The following DOCK3 variants were observed in gnomAD, a reference collection of about 807,000 sequenced individuals.
DOCK3 encodes dedicator of cytokinesis 3, also known as dedicator of cytokinesis protein 3.
A neutral mutation model predicts 265.6 loss-of-function variants in DOCK3; 60 were observed. That is an observed-to-expected ratio of 0.23 (90% CI 0.18 to 0.28). DOCK3 has a LOEUF of 0.28. Among genes scored for constraint, DOCK3 ranks in the 10% least tolerant of loss-of-function variants. DOCK3 has a pLI of 1.00. For synonymous variants in DOCK3, 881 were observed against 938.0 expected, an observed-to-expected ratio of 0.94 and a Z score of 1.11; for missense variants, 1,981 against 2,594.3, an observed-to-expected ratio of 0.76 and a Z score of 5.14.
At chr3:50,898,338 A>C (rs970239225) in intron 4 of DOCK3, among the ~76,000 whole-genome samples, 2 of 151,790 alleles carry the variant, frequency 1.3e-5, no homozygotes, top group Admixed American at 1.3e-4. Context: ...CCTTTATCAC[A>C]CTTTATTGGG....
chr3:51,100,710 A>G (rs2083048656), intron 9 of DOCK3, among the ~76,000 whole-genome samples: 1 of 152,228 alleles, frequency 6.6e-6, no homozygotes. Context: ...ACAATGTAAC[A>G]TTTACAAGGT....
At chr3:51,281,877 G>C (rs1385693696) in intron 27 of DOCK3, among the ~76,000 whole-genome samples, 1 of 152,088 alleles carries the variant, frequency 6.6e-6, no homozygotes, top group Middle Eastern at 3.2e-3. Flanking sequence ...CACTTCTCCT[G>C]TGTTGGGCAC....
At chr3:50,848,525 T>C (rs2046202801) in intron 3 of DOCK3, among the ~76,000 whole-genome samples, 1 of 152,188 alleles carries the variant, frequency 6.6e-6, no homozygotes, top group Admixed American at 6.5e-5. Flanking sequence ...CTGGGAAAGA[T>C]TTTGGTTCCC....
chr3:51,049,574 TG>T (rs2080911159), intron 5 of DOCK3, among the ~76,000 whole-genome samples: 1 of 152,098 alleles, frequency 6.6e-6, no homozygotes. Context: ...GGGTTAGGTG[TG>T]GAATTTTTCA....
intron 2 of DOCK3, among the ~76,000 whole-genome samples, chr3:50,812,229 A>G (rs2043802465): frequency 6.6e-6 from 1 of 152,206 alleles, no homozygotes; most frequent in Admixed American, 6.5e-5. Context: ...GGCCATAGCT[A>G]GTCTGTGAAG....
At chr3:50,925,731 C>A (rs890618732) in intron 4 of DOCK3, among the ~76,000 whole-genome samples, 1 of 151,368 alleles carries the variant, frequency 6.6e-6, no homozygotes, top group Admixed American at 6.6e-5. Flanking sequence ...TGGGAGCTGG[C>A]AAGCTCTGAT....
At chr3:51,317,123 G>C (rs1243741531) in intron 32 of DOCK3, among the ~76,000 whole-genome samples, 1 of 151,814 alleles carries the variant, frequency 6.6e-6, no homozygotes, top group East Asian at 1.9e-4. Context: ...TCTATTTTGA[G>C]TTGATTTCTG....
chr3:50,983,945 C>T (rs945552280), intron 5 of DOCK3, among the ~76,000 whole-genome samples: 29 of 152,176 alleles, frequency 1.9e-4, no homozygotes, highest in African/African-American at 6.8e-4. Context: ...TGTTGCCACT[C>T]TGTTCCCTGG....
intron 36 of DOCK3, 110 bp from the exon 37 acceptor site, chr3:51,338,825 G>A: frequency 1.1e-6 from 1 of 877,306 alleles, no homozygotes. Context: ...CTGCCTCCAG[G>A]GCCTGCCCTC....
chr3:51,036,997 A>G (rs901601083), intron 5 of DOCK3, among the ~76,000 whole-genome samples: 1 of 152,194 alleles, frequency 6.6e-6, no homozygotes, highest in Admixed American at 6.5e-5. Flanking sequence ...CTGTAAGTCC[A>G]TTAAACCTCT....
At chr3:51,162,034 A>C (rs964815716) in intron 12 of DOCK3, among the ~76,000 whole-genome samples, 1 of 152,346 alleles carries the variant, frequency 6.6e-6, no homozygotes, top group Non-Finnish European at 1.5e-5. Flanking sequence ...AGTTAGACAC[A>C]AATTGTAGTG....
At chr3:51,124,349 A>G (rs537751038) in intron 9 of DOCK3, among the ~76,000 whole-genome samples, 247 of 152,336 alleles carry the variant, frequency 1.6e-3, no homozygotes, top group Non-Finnish European at 2.5e-3. Context: ...TATGGTAGCC[A>G]CTAGCCACAT....
chr3:50,778,478 T>G (rs1224379610), intron 1 of DOCK3, among the ~76,000 whole-genome samples, 197 bp from the exon 2 acceptor site: 1 of 152,174 alleles, frequency 6.6e-6, no homozygotes, highest in Admixed American at 6.5e-5. Context: ...TTTCCCACAA[T>G]GTATTTTATT....
intron 1 of DOCK3, among the ~76,000 whole-genome samples, chr3:50,756,244 G>A (rs1220109889): frequency 6.6e-6 from 1 of 152,166 alleles, no homozygotes; most frequent in East Asian, 1.9e-4. Context: ...TGTTTCCAGA[G>A]GATGGTCATA....
At chr3:51,313,759 AG>A (rs1420605698) in intron 31 of DOCK3, among the ~76,000 whole-genome samples, 1 of 152,146 alleles carries the variant, frequency 6.6e-6, no homozygotes, top group African/African-American at 2.4e-5. Flanking sequence ...TGCCGGCGAG[AG>A]GGCCTTCTAT....
chr3:50,751,258 CT>C (rs879936260), intron 1 of DOCK3, among the ~76,000 whole-genome samples: 349 of 141,158 alleles, frequency 2.5e-3, no homozygotes, highest in Admixed American at 2.4e-3. Context: ...AAAGAATGGA[CT>C]TTTTTTTTTT....
chr3:50,824,881 G>C (rs1163229071), intron 2 of DOCK3, among the ~76,000 whole-genome samples: 1 of 152,054 alleles, frequency 6.6e-6, no homozygotes, highest in Admixed American at 6.6e-5. Flanking sequence ...GCTACTGTTA[G>C]GACTCAAAAA....
At chr3:51,091,838 G>A (rs1015545043) in intron 9 of DOCK3, among the ~76,000 whole-genome samples, 2 of 152,190 alleles carry the variant, frequency 1.3e-5, no homozygotes, top group African/African-American at 4.8e-5. Flanking sequence ...GTTGGACAGT[G>A]GGTGCAGCCC....
intron 1 of DOCK3, among the ~76,000 whole-genome samples, chr3:50,729,496 G>T (rs2038057652): frequency 6.6e-6 from 1 of 151,744 alleles, no homozygotes; most frequent in Non-Finnish European, 1.5e-5. Context: ...CCACTAACTC[G>T]TCATCTAGCA....
Sources: allele counts gnomAD v4.1 joint callset (sites outside exome capture counted in the v4.1 genomes callset), GRCh38; gene constraint gnomAD v4.1.1; transcripts MANE v1.5; gene names NCBI Gene and HGNC (gene_info 2026-07-23, HGNC 2026-07-21).